Variants in PLCH1 observed in about 807,000 individuals in gnomAD.
The protein encoded by PLCH1 is 1-phosphatidylinositol 4,5-bisphosphate phosphodiesterase eta-1.
PLCH1 carries 60 observed loss-of-function variants against 126.7 expected under a neutral mutation model. The ratio of observed to expected loss-of-function variants is 0.47; its 90% CI spans 0.38 to 0.59. PLCH1 has a LOEUF of 0.59. PLCH1 is among the 20% of genes least tolerant of loss of function. PLCH1 has a pLI of 0.00. For missense variants in PLCH1, 1,723 were observed against 2,040.0 expected (o/e 0.84, Z 2.99); for synonymous variants, 719 against 734.9 (o/e 0.98, Z 0.35).
At chr3:155,661,120 G>A (rs1559909177) in intron 2 of PLCH1, among the ~76,000 whole-genome samples, 2 of 152,102 alleles carry the variant, frequency 1.3e-5, no homozygotes, top group South Asian at 2.1e-4. Flanking sequence ...GTTAGGATTC[G>A]GCACTCTCAT....
At chr3:155,478,247 G>A (rs963347222), downstream of PLCH1, among the ~76,000 whole-genome samples, 1 of 152,156 alleles carries the variant, frequency 6.6e-6, no homozygotes, top group African/African-American at 2.4e-5. Context: ...AGGCTGGGAA[G>A]TGTAGTGGGA....
At chr3:155,489,218 T>A (rs1715790920) in intron 19 of PLCH1, among the ~76,000 whole-genome samples, 1 of 152,210 alleles carries the variant, frequency 6.6e-6, no homozygotes, top group African/African-American at 2.4e-5. Flanking sequence ...GCTGCTGTAA[T>A]AACCACCAAC....
At chr3:155,533,223 G>C (rs1456594156) in intron 10 of PLCH1, among the ~76,000 whole-genome samples, 2 of 152,040 alleles carry the variant, frequency 1.3e-5, no homozygotes, top group African/African-American at 4.8e-5. Flanking sequence ...ATAAAAGTTT[G>C]GAAAATTTGC....
intron 2 of PLCH1, among the ~76,000 whole-genome samples, chr3:155,689,313 C>T (rs1156945601): frequency 6.6e-6 from 1 of 152,094 alleles, no homozygotes; most frequent in African/African-American, 2.4e-5. Context: ...AGAACAGGCA[C>T]AAACAAGTTT....
At chr3:155,475,555 A>G (rs116027593), downstream of PLCH1, among the ~76,000 whole-genome samples, 167 of 152,252 alleles carry the variant, frequency 1.1e-3, no homozygotes, top group African/African-American at 4.0e-3. Context: ...TGTAAACAAA[A>G]TTGACAAACC....
chr3:155,484,359 G>A (rs148602445), intron 22 of PLCH1, among the ~76,000 whole-genome samples: 146 of 152,238 alleles, frequency 9.6e-4, no homozygotes, highest in African/African-American at 3.2e-3. Context: ...CTCTGACACT[G>A]CTCTTAGCAA....
At chr3:155,525,564 T>C (rs531003565) in intron 10 of PLCH1, among the ~76,000 whole-genome samples, 12 of 152,278 alleles carry the variant, frequency 7.9e-5, no homozygotes, top group Admixed American at 7.2e-4. Flanking sequence ...CATGCTAATA[T>C]CCCTCAGAGC....
chr3:155,671,441 T>C lies in PLCH1; in HGVS notation c.79+32705A>G, dbSNP rs530978452. ...GTTACTTTGATGAGCATTTATATAG[T>C]CACAATAATGTAAATGTAAGTAATC... On this transcript the variant is annotated intron_variant, in intron 2 of 22. Coordinates refer to ENST00000460012, the MANE Select transcript of PLCH1 (RefSeq NM_014996.4). 2.6e-5 allele frequency among the ~76,000 whole-genome samples: 4 copies of C among 152,220 alleles called. No homozygotes were observed. The South Asian group carries it at 6.2e-4, about 24-fold the overall frequency.
At chr3:155,732,520 A>G (rs76894469) in intron 1 of PLCH1, among the ~76,000 whole-genome samples, 1 of 142,294 alleles carries the variant, frequency 7.0e-6, no homozygotes, top group South Asian at 2.2e-4. Context: ...CCCAGTCTGG[A>G]AAAAAAAAAA....
intron 12 of PLCH1, among the ~76,000 whole-genome samples, chr3:155,510,790 T>C (rs1399250654): frequency 9.3e-6 from 1 of 107,522 alleles, no homozygotes; most frequent in African/African-American, 5.2e-5. Context: ...CCCTTAACAT[T>C]TTTTCCTTCA....
chr3:155,474,704 T>G (rs2107986664), intron 21 of PLCH1, among the ~76,000 whole-genome samples: 1 of 122,178 alleles, frequency 8.2e-6, no homozygotes, highest in South Asian at 3.1e-4. Flanking sequence ...TAGACTGGAT[T>G]AAGAAAATGT....
At chr3:155,666,022 C>T (rs1742682932) in intron 2 of PLCH1, among the ~76,000 whole-genome samples, 1 of 152,214 alleles carries the variant, frequency 6.6e-6, no homozygotes. Flanking sequence ...CTTGTGCACA[C>T]AGTATAGATG....
At chr3:155,735,909 C>T (rs1749148543) in intron 1 of PLCH1, among the ~76,000 whole-genome samples, 2 of 152,092 alleles carry the variant, frequency 1.3e-5, no homozygotes. Flanking sequence ...GGAGGAAAAA[C>T]TGAATGGCTG....
Position 155,575,520 on chromosome 3 carries a change from G to A in PLCH1, c.772-7196C>T, listed in dbSNP as rs567645725. On this transcript the variant is annotated intron_variant, in intron 6 of 22. Coordinates refer to ENST00000460012, the MANE Select transcript of PLCH1 (RefSeq NM_014996.4). ...CAATAAGGAGATGGCCCTGTAGCAGGGAAACAGGAAATCTCTGAAAATCCT... is the reference window on the plus strand; with the variant it reads ...CAATAAGGAGATGGCCCTGTAGCAGAGAAACAGGAAATCTCTGAAAATCCT... Among the ~76,000 whole-genome samples the A allele has an allele frequency of 3.5e-4, 53 of 152,230 alleles. 1 individual carries two copies. In the South Asian group the frequency reaches 4.4e-3, roughly 13 times the overall value.
chr3:155,712,566 G>A (rs1458029987), intron 1 of PLCH1, among the ~76,000 whole-genome samples: 1 of 151,722 alleles, frequency 6.6e-6, no homozygotes, highest in East Asian at 1.9e-4. Flanking sequence ...AAAAAAAAAG[G>A]TAAATCTTTA....
rs532446879 is a variant in PLCH1, at chr3:155,485,269, C to T, written c.2974+87G>A. On this transcript the variant is annotated intron_variant, in intron 22 of 22. Coordinates refer to ENST00000460012, the MANE Select transcript of PLCH1 (RefSeq NM_014996.4). Reference sequence around the variant, plus strand: ...TTTTCAGTATATTTTACTTTGACTACAGAATGTCAGCCACTTCATAATGGT... The same window carrying T: ...TTTTCAGTATATTTTACTTTGACTATAGAATGTCAGCCACTTCATAATGGT... 101 of 789,578 alleles carry T rather than the reference C, an allele frequency of 1.3e-4. No individual in the cohort carries two copies. The South Asian group carries it at 1.7e-3, about 14-fold the overall frequency. 48.9% of individuals were successfully genotyped at this position (789,578 alleles called of 1,614,324 possible).
At chr3:155,577,213 C>T (rs1730088210) in intron 6 of PLCH1, among the ~76,000 whole-genome samples, 1 of 152,022 alleles carries the variant, frequency 6.6e-6, no homozygotes, top group Non-Finnish European at 1.5e-5. Context: ...GATCCATGAT[C>T]GCACCCACTG....
At chr3:155,486,208 T>C in intron 21 of PLCH1, 1 of 1,540,174 alleles carries the variant, frequency 6.5e-7, no homozygotes, top group Non-Finnish European at 8.8e-7. Context: ...AGGGCTCCAC[T>C]GTAAAGGAAA....
chr3:155,708,234 T>C (rs16825341), intron 1 of PLCH1, among the ~76,000 whole-genome samples: 13,912 of 152,220 alleles, frequency 0.091, 865 homozygotes, highest in African/African-American at 0.17. Flanking sequence ...TGCTCTCCCT[T>C]CGGCCTTCAG....
Sources: gnomAD v4.1 joint callset for allele counts (sites outside exome capture counted in the v4.1 genomes callset) on GRCh38, gnomAD v4.1.1 for gene constraint, MANE v1.5 for transcripts, NCBI Gene and HGNC (gene_info 2026-07-23, HGNC 2026-07-21) for gene names.